HKDC1: variants seen among roughly 807,000 people sequenced by gnomAD.
HKDC1 encodes hexokinase domain containing 1.
In HKDC1, 66 loss-of-function variants were observed where a neutral mutation model predicts 96.6. That is an observed-to-expected ratio of 0.68 (90% confidence interval 0.56 to 0.84). HKDC1 has a LOEUF of 0.84. Ranked by LOEUF, HKDC1 falls within the 40% of genes least tolerant of loss-of-function variation. HKDC1 has a pLI of 0.00. For missense variants in HKDC1, 1,211 were observed against 1,208.1 expected (o/e 1.00, Z -0.04); for synonymous variants, 466 against 473.1 (o/e 0.98, Z 0.20).
chr10:69,261,512 T>C, intron 16 of HKDC1: 1 of 479,382 alleles, frequency 2.1e-6, no homozygotes. Context: ...AGTCCTGCTG[T>C]CCCCATCCTC....
chr10:69,245,846 A>G (rs535865991), intron 7 of HKDC1, among the ~76,000 whole-genome samples: 4 of 152,266 alleles, frequency 2.6e-5, no homozygotes, highest in African/African-American at 9.6e-5. Context: ...TTTTGGGAAA[A>G]TACCCAAAGT....
At chr10:69,230,856 T>C (rs1843247056) in intron 2 of HKDC1, among the ~76,000 whole-genome samples, 2 of 152,142 alleles carry the variant, frequency 1.3e-5, no homozygotes, top group Non-Finnish European at 2.9e-5. Flanking sequence ...TGGCAAGGGA[T>C]TAATTCTCCT....
chr10:69,264,383 T>C (rs543334674), intron 16 of HKDC1, among the ~76,000 whole-genome samples: 1 of 152,162 alleles, frequency 6.6e-6, no homozygotes, highest in Admixed American at 6.5e-5. Flanking sequence ...TCATCTTTTT[T>C]TTTTTTTTGA....
At position 69,233,539 on chromosome 10, in the gene HKDC1, A is replaced by G. The variant is rs1347247549; in HGVS notation, c.495+406A>G. Among the ~76,000 whole-genome samples the G allele has an allele frequency of 4.6e-5, 7 of 152,112 alleles. No individual in the cohort carries two copies. In the East Asian group the frequency reaches 1.4e-3, roughly 29 times the overall value. Reference sequence around the variant, plus strand: ...CTTAGGACCACTGACATAGCCAACTAGAAGAAACATGGGAAGGCTGGGGAG... The same window carrying G: ...CTTAGGACCACTGACATAGCCAACTGGAAGAAACATGGGAAGGCTGGGGAG... On this transcript the variant is annotated intron_variant, in intron 4 of 17. Coordinates refer to ENST00000354624, the MANE Select transcript of HKDC1 (RefSeq NM_025130.4).
chr10:69,233,341 G>T (rs763032006), intron 4 of HKDC1, among the ~76,000 whole-genome samples: 1 of 152,164 alleles, frequency 6.6e-6, no homozygotes, highest in Non-Finnish European at 1.5e-5. Context: ...GGCACAGCTC[G>T]GGGGAGTAGA....
At chr10:69,257,464 T>C in intron 14 of HKDC1, 38 bp downstream of exon 14, 1 of 1,421,984 alleles carries the variant, frequency 7.0e-7, no homozygotes, top group South Asian at 1.1e-5. Flanking sequence ...CTAATCCCAC[T>C]GTATCCATTG....
At position 69,258,606 on chromosome 10, in the gene HKDC1, C is replaced by G. The variant is rs534496103; in HGVS notation, c.2033-170C>G. Among the ~76,000 whole-genome samples, 8 of 152,260 alleles carry G rather than the reference C, an allele frequency of 5.3e-5. No homozygotes were observed. In the East Asian group the frequency reaches 1.2e-3, roughly 22 times the overall value. ...CTCCTCAGAAATGAAGAAACTGAGC[C>G]TCTGAAAGATGAGATGCTTGCCCAA... On this transcript the variant is annotated intron_variant, in intron 14 of 17. Coordinates refer to ENST00000354624, the MANE Select transcript of HKDC1 (RefSeq NM_025130.4).
In HKDC1 at chr10:69,267,095, A is replaced by G. The variant is rs2132385545; in HGVS notation, c.*338A>G. On this transcript the variant is annotated 3_prime_UTR_variant, in exon 18 of 18. Coordinates refer to ENST00000354624, the MANE Select transcript of HKDC1 (RefSeq NM_025130.4). ...TTGTGGCTGCGGGACTTGGAAATATATAGAATCTGCCCATGTGGCTGGCAG... is the reference window on the plus strand; with the variant it reads ...TTGTGGCTGCGGGACTTGGAAATATGTAGAATCTGCCCATGTGGCTGGCAG... 8.5e-6 allele frequency: 2 copies of G among 234,776 alleles called. No homozygotes were observed. Among genetic ancestry groups the G allele is most frequent in the East Asian group, 2.2e-4 (2 of 9,160 alleles). 14.5% of individuals were successfully genotyped at this position (234,776 alleles called of 1,614,324 possible). A position where few individuals can be genotyped will look rare whatever the true frequency, so the allele number is the denominator to read the frequency against.
chr10:69,232,854 A>G lies in HKDC1; in HGVS notation c.317A>G (p.Gln106Arg), dbSNP rs1413075018. Reference protein sequence around the residue: ...QVAEEGKRHVQMESQFYPTPN... With the variant: ...QVAEEGKRHVRMESQFYPTPN... The stretch of plus-strand genomic sequence containing the variant: ...GCTGAAGAGGGGAAGCGACACGTGC[A>G]GATGGAGAGTCAGTTCTACCCAACG... The change falls in exon 3 of 18, where the codon CAG (glutamine) becomes CGG (arginine). Residue 106 changes from glutamine to arginine, a missense_variant. By Grantham distance (43) the Gln-to-Arg change is conservative (BLOSUM62 1). Coordinates refer to ENST00000354624, the MANE Select transcript of HKDC1 (RefSeq NM_025130.4). 1 of 1,614,048 alleles carries G rather than the reference A, an allele frequency of 6.2e-7. No individual in the cohort carries two copies. The highest frequency in any genetic ancestry group is 8.5e-7 in the Non-Finnish European group (1 of 1,180,064).
intron 12 of HKDC1, among the ~76,000 whole-genome samples, chr10:69,251,087 CTTTTTTTTTTT>C (rs869084452): frequency 3.2e-5 from 3 of 92,690 alleles, no homozygotes; most frequent in East Asian, 6.4e-4. Context: ...AAATACATTT[CTTTTTTTTTTT>C]TTTTTTTTTT....
chr10:69,250,682 G>T, intron 12 of HKDC1, 30 bp downstream of exon 12: 1 of 1,609,990 alleles, frequency 6.2e-7, no homozygotes, highest in Admixed American at 1.7e-5. Flanking sequence ...CTCACGGCCA[G>T]CCCAGTGGGC....
rs543863621 is a variant in HKDC1, at chr10:69,231,228, G to T, written c.227-1536G>T. On this transcript the variant is annotated intron_variant, in intron 2 of 17. Transcript: ENST00000354624. ...TTTGTTAAACCCTCAGTCTATTCTGGTTGGTGTCAGAGGCATTTGTCCCCA... is the reference window on the plus strand; with the variant it reads ...TTTGTTAAACCCTCAGTCTATTCTGTTTGGTGTCAGAGGCATTTGTCCCCA... 2.6e-5 allele frequency among the ~76,000 whole-genome samples: 4 copies of T among 152,272 alleles called. No homozygotes were observed. The South Asian group carries it at 8.3e-4, about 32-fold the overall frequency.
rs184555322 is a variant in HKDC1 at position 69,254,167 on chromosome 10, T to C, written c.1837-2869T>C. Among the ~76,000 whole-genome samples the C allele has an allele frequency of 7.1e-4, 108 of 152,236 alleles. No homozygotes were observed. In the East Asian group the frequency reaches 8.5e-3, roughly 12 times the overall value. On this transcript the variant is annotated intron_variant, in intron 12 of 17. Transcript: ENST00000354624. ...CAAAAATACAAAAATTAGCTGGGTA[T>C]GGTGGCGGGTGCCTGCAATCTCAGC... is the stretch of plus-strand genomic sequence containing the variant.
rs542388407 is a variant in HKDC1 at position 69,262,385 on chromosome 10, T to A, written c.2372+1091T>A. ...TTCCTTAGTAGTAGAAACATTTGGT[T>A]AAAAGAGTATTTCACCATGGGCGCA... On this transcript the variant is annotated intron_variant, in intron 16 of 17. Coordinates refer to ENST00000354624, the MANE Select transcript of HKDC1 (RefSeq NM_025130.4). Among the ~76,000 whole-genome samples, 5 of 152,312 alleles carry A rather than the reference T, an allele frequency of 3.3e-5. 1 individual carries two copies. In the East Asian group the frequency reaches 9.6e-4, roughly 29 times the overall value.
chr10:69,251,816 C>G, intron 12 of HKDC1, among the ~76,000 whole-genome samples: 1 of 150,236 alleles, frequency 6.7e-6, no homozygotes, highest in East Asian at 2.0e-4. Context: ...CTGGAGTACA[C>G]TGATGTGATC....
At chr10:69,252,983 T>C (rs929102256) in intron 12 of HKDC1, among the ~76,000 whole-genome samples, 15 of 150,268 alleles carry the variant, frequency 1.0e-4, no homozygotes, top group Admixed American at 9.9e-4. Flanking sequence ...CGTGTGTGTG[T>C]GTGTGTGTGT....
rs1241429399 is a variant in HKDC1 at position 69,229,170 on chromosome 10, A to G, written c.226+1801A>G. On this transcript the variant is annotated intron_variant, in intron 2 of 17. Transcript: ENST00000354624. ...CCCAGTGCCCAAACCGAGCTCGTGA[A>G]AGAGCACTGGGGCTCTCGCAGGAGC... 3.3e-5 allele frequency among the ~76,000 whole-genome samples: 5 copies of G among 152,168 alleles called. No individual in the cohort carries two copies. The East Asian group carries it at 9.6e-4, about 29-fold the overall frequency.
Position 69,232,884 on chromosome 10 carries a change from A to T in HKDC1, c.347A>T (p.Asn116Ile), listed in dbSNP as rs112078514. The T allele has an allele frequency of 2.5e-6, 4 of 1,613,662 alleles. No individual in the cohort carries two copies. Among genetic ancestry groups the T allele is most frequent in the Non-Finnish European group, 3.4e-6 (4 of 1,180,036 alleles). ...GAGAGTCAGTTCTACCCAACGCCCA[A>T]TGAAATCATCCGCGGGAACGGCACA... ...QMESQFYPTP[N>I]EIIRGNGTEL... Residue 116 changes from asparagine (N) to isoleucine (I), a missense_variant, in exon 3 of 18, where the codon AAT (asparagine) becomes ATT (isoleucine). Coordinates refer to ENST00000354624, the MANE Select transcript of HKDC1 (RefSeq NM_025130.4).
chr10:69,250,464 C>T (rs781301912), intron 11 of HKDC1, 29 bp downstream of exon 11: 15 of 1,611,580 alleles, frequency 9.3e-6, no homozygotes, highest in Middle Eastern at 1.6e-4. Context: ...CTTTGGGCTC[C>T]GAGGTGCCAG....
Sources: allele counts gnomAD v4.1 joint callset (sites outside exome capture counted in the v4.1 genomes callset), GRCh38; gene constraint gnomAD v4.1.1; transcripts MANE v1.5; gene names NCBI Gene and HGNC (gene_info 2026-07-23, HGNC 2026-07-21).